The following CDH2 variants were observed in gnomAD, a reference collection of about 807,000 sequenced individuals.
CDH2 encodes the protein cadherin-2.
CDH2 carries 17 observed loss-of-function variants against 92.0 expected under a neutral mutation model. That is an observed-to-expected ratio of 0.18 (90% CI 0.13 to 0.28). CDH2 has a LOEUF of 0.28. Ranked by LOEUF, CDH2 falls within the 10% of genes least tolerant of loss-of-function variation. The pLI, the probability that CDH2 is intolerant of heterozygous loss-of-function variation, is 1.00. For synonymous variants in CDH2, 419 were observed against 415.9 expected (o/e 1.01, Z -0.09); for missense variants, 862 against 1,133.1 (o/e 0.76, Z 3.44).
chr18:28,079,443 C>A (rs1225762332), intron 2 of CDH2, among the ~76,000 whole-genome samples: 1 of 152,126 alleles, frequency 6.6e-6, no homozygotes, highest in Non-Finnish European at 1.5e-5. Flanking sequence ...GTATTTGGGT[C>A]TCTCCAATTA....
intron 2 of CDH2, among the ~76,000 whole-genome samples, chr18:28,108,626 C>T (rs372127310): frequency 3.9e-5 from 6 of 152,038 alleles, no homozygotes; most frequent in South Asian, 2.1e-4. Context: ...AATGCATTTG[C>T]GCATGCTCAA....
rs76676129 is a variant in CDH2, at chr18:27,991,533, T to C, written c.1344+1122A>G. ...TGTAACATTTATGCTAAGGGGTATA[T>C]GCACAGTTCAAAGTCCTTTAATGTG... On this transcript the variant is annotated intron_variant, in intron 9 of 15. Coordinates refer to ENST00000269141, the MANE Select transcript of CDH2 (RefSeq NM_001792.5). 5.5e-3 allele frequency among the ~76,000 whole-genome samples: 831 copies of C among 152,316 alleles called. 6 individuals are homozygous for C. Among genetic ancestry groups the C allele is most frequent in the African/African-American group, 0.015 (604 of 41,568 alleles).
chr18:28,162,912 G>A (rs1013625349), intron 1 of CDH2, among the ~76,000 whole-genome samples: 1 of 152,140 alleles, frequency 6.6e-6, no homozygotes, highest in Non-Finnish European at 1.5e-5. Flanking sequence ...TGCTTGGCCT[G>A]GCTCATAGTA....
chr18:28,007,390 T>G (rs1467056418), intron 5 of CDH2, among the ~76,000 whole-genome samples: 5 of 151,790 alleles, frequency 3.3e-5, no homozygotes, highest in African/African-American at 9.7e-5. Context: ...CTTTAATTGT[T>G]TCTTTTGGAC....
At chr18:27,961,104 T>C (rs2011392371) in intron 15 of CDH2, among the ~76,000 whole-genome samples, 1 of 151,204 alleles carries the variant, frequency 6.6e-6, no homozygotes, top group South Asian at 2.1e-4. Context: ...AAACTCAGAA[T>C]TTGAATGTAA....
chr18:28,114,478 G>A (rs544430310), intron 2 of CDH2, among the ~76,000 whole-genome samples: 7 of 151,434 alleles, frequency 4.6e-5, no homozygotes, highest in East Asian at 3.9e-4. Flanking sequence ...ATATCCAATC[G>A]GAAAAAAAAG....
chr18:27,971,290 C>A (rs1434879537), intron 14 of CDH2, among the ~76,000 whole-genome samples: 2 of 147,598 alleles, frequency 1.4e-5, no homozygotes, highest in African/African-American at 5.0e-5. Context: ...TGGCCTATAG[C>A]ATTTTTGCAT....
intron 14 of CDH2, among the ~76,000 whole-genome samples, chr18:27,980,814 C>T (rs889353186): frequency 7.3e-6 from 1 of 137,356 alleles, no homozygotes; most frequent in African/African-American, 2.8e-5. Flanking sequence ...AAAAAAAAAA[C>T]CCCAAAAGCC....
intron 2 of CDH2, among the ~76,000 whole-genome samples, chr18:28,019,460 C>G (rs1158570325): frequency 6.6e-6 from 1 of 151,938 alleles, no homozygotes; most frequent in East Asian, 1.9e-4. Context: ...GTCACTGGCA[C>G]TTATTCTATT....
intron 2 of CDH2, among the ~76,000 whole-genome samples, chr18:28,028,447 C>T (rs1440695204): frequency 6.6e-6 from 1 of 152,078 alleles, no homozygotes; most frequent in African/African-American, 2.4e-5. Flanking sequence ...AACTACTAAA[C>T]CCCAAATCAT....
chr18:28,172,782 G>A lies in CDH2; in HGVS notation c.60+4181C>T, dbSNP rs78001352. ...AGAACAAATCTGAATGTTAACCTGG[G>A]AAAAATGGTAGTGTATATACGAACA... is the stretch of plus-strand genomic sequence containing the variant. On this transcript the variant is annotated intron_variant, in intron 1 of 15. Transcript: ENST00000269141. 6.8e-4 allele frequency among the ~76,000 whole-genome samples: 103 copies of A among 152,034 alleles called. 2 individuals are homozygous for A. In the East Asian group the frequency reaches 0.019, roughly 28 times the overall value.
At chr18:28,001,201 A>C (rs2012755109) in intron 7 of CDH2, among the ~76,000 whole-genome samples, 1 of 152,220 alleles carries the variant, frequency 6.6e-6, no homozygotes, top group African/African-American at 2.4e-5. Flanking sequence ...GATAAACTTA[A>C]TGACAATTAT....
chr18:28,157,950 T>C (rs909556523), intron 1 of CDH2, among the ~76,000 whole-genome samples: 4 of 152,214 alleles, frequency 2.6e-5, no homozygotes, highest in African/African-American at 4.8e-5. Flanking sequence ...AGAGGTGATA[T>C]TGATGAAGGA....
chr18:27,960,870 C>A (rs1004209294), intron 15 of CDH2, among the ~76,000 whole-genome samples: 1 of 152,014 alleles, frequency 6.6e-6, no homozygotes, highest in African/African-American at 2.4e-5. Context: ...TAATGGTCTC[C>A]AGCCATAATA....
chr18:27,936,589 G>T (rs1909025443), intron 6 of CDH2, among the ~76,000 whole-genome samples: 2 of 152,066 alleles, frequency 1.3e-5, no homozygotes, highest in South Asian at 4.1e-4. Flanking sequence ...GAGTGCAGTG[G>T]TGCTATCACA....
chr18:27,944,815 A>C (rs1022659344), intron 6 of CDH2, among the ~76,000 whole-genome samples: 12 of 149,260 alleles, frequency 8.0e-5, no homozygotes, highest in African/African-American at 2.9e-4. Context: ...CAGGAGCCTG[A>C]GGTATGAGGA....
chr18:28,040,051 G>A (rs975231504), intron 2 of CDH2, among the ~76,000 whole-genome samples: 19 of 152,072 alleles, frequency 1.2e-4, no homozygotes, highest in African/African-American at 3.1e-4. Context: ...TATTATGATC[G>A]TATCTTAAAA....
At chr18:28,171,138 G>A (rs1325228403) in intron 1 of CDH2, among the ~76,000 whole-genome samples, 1 of 151,582 alleles carries the variant, frequency 6.6e-6, no homozygotes, top group African/African-American at 2.4e-5. Context: ...GCTGAGGCAG[G>A]AGAATTCCTT....
chr18:27,966,063 A>T, intron 14 of CDH2, among the ~76,000 whole-genome samples: 2 of 150,630 alleles, frequency 1.3e-5, no homozygotes, highest in African/African-American at 4.9e-5. Context: ...AAAATAAAAT[A>T]TGTTTTTTCC....
Sources: gnomAD v4.1 joint callset for allele counts (sites outside exome capture counted in the v4.1 genomes callset) on GRCh38, gnomAD v4.1.1 for gene constraint, MANE v1.5 for transcripts, NCBI Gene and HGNC (gene_info 2026-07-23, HGNC 2026-07-21) for gene names.